CSGALNACT1: variants seen among roughly 807,000 people sequenced by gnomAD.
CSGALNACT1 encodes the protein beta4GalNAcT-1.
In CSGALNACT1, 52 loss-of-function variants were observed where a neutral mutation model predicts 51.0. That is an observed-to-expected ratio of 1.02 (90% CI 0.82 to 1.29). The LOEUF is 1.29. Ranked by LOEUF, CSGALNACT1 falls within the 50% of genes most tolerant of loss-of-function variation. The probability of loss-of-function intolerance (pLI) is 0.00; values close to 1 mark genes in which losing one functional copy is unlikely to be tolerated. For synonymous variants in CSGALNACT1, 341 were observed against 254.4 expected, an observed-to-expected ratio of 1.34 and a Z score of -3.24; for missense variants, 935 against 679.2, an observed-to-expected ratio of 1.38 and a Z score of -4.19.
At chr8:19,509,913 TAGAA>T (rs1317968988) in intron 3 of CSGALNACT1, among the ~76,000 whole-genome samples, 1 of 152,132 alleles carries the variant, frequency 6.6e-6, no homozygotes, top group Non-Finnish European at 1.5e-5. Flanking sequence ...TTTAAGAACT[TAGAA>T]AGGCACCCAC....
At chr8:19,553,682 G>C (rs2088886511) in intron 3 of CSGALNACT1, among the ~76,000 whole-genome samples, 1 of 134,396 alleles carries the variant, frequency 7.4e-6, no homozygotes, top group Non-Finnish European at 1.5e-5. Flanking sequence ...TGAATGAGCA[G>C]ACACCCAAGG....
At chr8:19,637,341 C>T (rs2154174119) in intron 1 of CSGALNACT1, among the ~76,000 whole-genome samples, 1 of 152,278 alleles carries the variant, frequency 6.6e-6, no homozygotes, top group Non-Finnish European at 1.5e-5. Flanking sequence ...TGGAGTTGGT[C>T]GTTTTAGTAA....
chr8:19,433,543 T>C (rs2059947812), intron 6 of CSGALNACT1, among the ~76,000 whole-genome samples: 1 of 152,258 alleles, frequency 6.6e-6, no homozygotes, highest in Non-Finnish European at 1.5e-5. Flanking sequence ...ACACTTCCTA[T>C]AATTGTTTTA....
chr8:19,428,823 ATATGTGTGTGTGTG>A (rs1299889581), intron 6 of CSGALNACT1, among the ~76,000 whole-genome samples: 4 of 51,248 alleles, frequency 7.8e-5, no homozygotes, highest in South Asian at 7.6e-4. Context: ...ATAAGACATG[ATATGTGTGTGTGTG>A]TGTGTGTGTG....
chr8:19,503,382 A>T (rs1287528237), intron 4 of CSGALNACT1, among the ~76,000 whole-genome samples: 2 of 152,240 alleles, frequency 1.3e-5, no homozygotes, highest in East Asian at 3.8e-4. Flanking sequence ...TGATTGAGAA[A>T]GATAGGCCTT....
intron 3 of CSGALNACT1, among the ~76,000 whole-genome samples, chr8:19,575,573 T>TAAAAC (rs781331311): frequency 2.4e-4 from 36 of 152,218 alleles, no homozygotes; most frequent in African/African-American, 5.5e-4. Flanking sequence ...AAGCAAGTGT[T>TAAAAC]AAAACAAAAC....
intron 1 of CSGALNACT1, among the ~76,000 whole-genome samples, chr8:19,679,826 G>A (rs531892079): frequency 8.8e-4 from 134 of 152,122 alleles, no homozygotes; most frequent in South Asian, 1.0e-3. Flanking sequence ...CTTTACCTGC[G>A]GCTTTATAGA....
At chr8:19,487,582 C>G (rs151153560) in intron 4 of CSGALNACT1, among the ~76,000 whole-genome samples, 1 of 152,270 alleles carries the variant, frequency 6.6e-6, no homozygotes, top group East Asian at 1.9e-4. Flanking sequence ...AGAAAAATGT[C>G]AGACTTTGAA....
intron 1 of CSGALNACT1, among the ~76,000 whole-genome samples, chr8:19,610,872 C>A (rs770643469): frequency 7.2e-5 from 11 of 152,228 alleles, no homozygotes; most frequent in Non-Finnish European, 1.3e-4. Flanking sequence ...ACACAAGCCG[C>A]CTACAGACGG....
chr8:19,605,862 A>G (rs910371488), upstream of CSGALNACT1, among the ~76,000 whole-genome samples: 1 of 152,232 alleles, frequency 6.6e-6, no homozygotes, highest in African/African-American at 2.4e-5. Context: ...AAAAATGGTG[A>G]AAATGAGTAC....
intron 8 of CSGALNACT1, among the ~76,000 whole-genome samples, chr8:19,410,173 G>A (rs1320191708): frequency 6.6e-6 from 1 of 152,158 alleles, no homozygotes. Flanking sequence ...ACTGCTCAAG[G>A]AAAGTAGAAC....
chr8:19,672,769 C>T (rs1170669228), intron 1 of CSGALNACT1, among the ~76,000 whole-genome samples: 1 of 151,996 alleles, frequency 6.6e-6, no homozygotes, highest in Non-Finnish European at 1.5e-5. Context: ...TACTGTCACA[C>T]CAAGATGAAA....
At chr8:19,650,754 T>C (rs2057731439) in intron 1 of CSGALNACT1, among the ~76,000 whole-genome samples, 2 of 152,162 alleles carry the variant, frequency 1.3e-5, no homozygotes, top group Admixed American at 6.5e-5. Context: ...TTCATTTCTT[T>C]TGTTTGGAAT....
intron 1 of CSGALNACT1, among the ~76,000 whole-genome samples, chr8:19,743,143 T>C (rs1030771011): frequency 3.3e-5 from 5 of 152,238 alleles, no homozygotes; most frequent in African/African-American, 1.2e-4. Flanking sequence ...ACACTGTTGC[T>C]ATTTGCAATT....
At chr8:19,626,982 G>A (rs2054539747) in intron 1 of CSGALNACT1, among the ~76,000 whole-genome samples, 1 of 152,168 alleles carries the variant, frequency 6.6e-6, no homozygotes, top group African/African-American at 2.4e-5. Context: ...ACCACTAACG[G>A]AAACAATTTG....
At chr8:19,577,610 C>A (rs866297295) in intron 3 of CSGALNACT1, among the ~76,000 whole-genome samples, 3 of 151,330 alleles carry the variant, frequency 2.0e-5, no homozygotes, top group African/African-American at 7.3e-5. Flanking sequence ...TAATTAGCAA[C>A]TCCAACCATC....
chr8:19,621,951 C>G (rs541744109), intron 1 of CSGALNACT1, among the ~76,000 whole-genome samples: 1 of 152,206 alleles, frequency 6.6e-6, no homozygotes, highest in East Asian at 1.9e-4. Flanking sequence ...GTTTAATCTT[C>G]AATTTTCTTC....
At chr8:19,679,946 T>G (rs2060475635) in intron 1 of CSGALNACT1, among the ~76,000 whole-genome samples, 1 of 151,992 alleles carries the variant, frequency 6.6e-6, no homozygotes, top group Non-Finnish European at 1.5e-5. Context: ...CGGCTTAGAG[T>G]AGATTCAATT....
Position 19,666,953 on chromosome 8 carries a change from AAG to A in CSGALNACT1, c.-544+15518_-544+15519del, listed in dbSNP as rs1339731354. On this transcript the variant is annotated intron_variant, in intron 1 of 9. Coordinates refer to the CSGALNACT1 transcript ENST00000332246. The stretch of plus-strand genomic sequence containing the variant: ...ACAGAGAGAGAGAGAAAAAGAAAGA[AAG>A]AAAGAAAGAAAGAAAGAAAGAAAGA... Among the ~76,000 whole-genome samples, 12 of 13,518 alleles carry A rather than the reference AAG, an allele frequency of 8.9e-4. 1 individual carries two copies. Among genetic ancestry groups the A allele is most frequent in the African/African-American group, 4.8e-3 (12 of 2,488 alleles). 8.9% of individuals were successfully genotyped at this position (13,518 alleles called of 152,430 possible).
Sources: allele counts gnomAD v4.1 joint callset (sites outside exome capture counted in the v4.1 genomes callset), GRCh38; gene constraint gnomAD v4.1.1; transcripts MANE v1.5; gene names NCBI Gene and HGNC (gene_info 2026-07-23, HGNC 2026-07-21).